Variants in PPP1R13B observed in about 807,000 individuals in gnomAD.
PPP1R13B encodes apoptosis-stimulating of p53 protein 1.
Under a neutral mutation model 119.8 loss-of-function variants are expected in PPP1R13B, and 44 were observed. That is an observed-to-expected ratio of 0.37 (90% CI 0.29 to 0.47). The LOEUF (loss-of-function observed/expected upper bound fraction) is 0.47. PPP1R13B is among the 20% of genes least tolerant of loss of function. The probability of loss-of-function intolerance (pLI) is 0.99; values close to 1 mark genes in which losing one functional copy is unlikely to be tolerated. For synonymous variants in PPP1R13B, 542 were observed against 561.5 expected, an observed-to-expected ratio of 0.97 and a Z score of 0.49; for missense variants, 1,227 against 1,413.5, an observed-to-expected ratio of 0.87 and a Z score of 2.12.
intron 1 of PPP1R13B, among the ~76,000 whole-genome samples, chr14:103,805,147 T>C (rs2085987578): frequency 1.3e-5 from 2 of 152,160 alleles, no homozygotes; most frequent in South Asian, 4.1e-4. Flanking sequence ...TAAAAAATTT[T>C]AAACACAGAT....
At chr14:103,814,432 C>T (rs2086230619) in intron 1 of PPP1R13B, among the ~76,000 whole-genome samples, 1 of 152,142 alleles carries the variant, frequency 6.6e-6, no homozygotes, top group South Asian at 2.1e-4. Context: ...AGGATTTAAC[C>T]CTGGCCTGTG....
intron 15 of PPP1R13B, 73 bp from the exon 16 acceptor site, chr14:103,736,275 G>T: frequency 6.7e-7 from 1 of 1,500,628 alleles, no homozygotes; most frequent in South Asian, 1.1e-5. Context: ...CGAGGAACAG[G>T]ACACAGTCGT....
At chr14:103,812,185 G>A (rs534179223) in intron 1 of PPP1R13B, among the ~76,000 whole-genome samples, 11 of 137,124 alleles carry the variant, frequency 8.0e-5, no homozygotes, top group African/African-American at 2.5e-4. Flanking sequence ...ATGCAGTGGC[G>A]CAATCTCAGC....
chr14:103,823,027 T>G (rs942901817), intron 1 of PPP1R13B, among the ~76,000 whole-genome samples: 3 of 151,746 alleles, frequency 2.0e-5, no homozygotes, highest in Non-Finnish European at 4.4e-5. Flanking sequence ...CCCATAAGGA[T>G]CCCTAAGTCT....
upstream of PPP1R13B, chr14:103,847,697 G>T: frequency 1.2e-6 from 1 of 863,926 alleles, no homozygotes; most frequent in Non-Finnish European, 1.4e-6. Flanking sequence ...GGAGAGGGGC[G>T]GGGCTTCCCG....
At chr14:103,739,680 G>C (rs991734106) in intron 12 of PPP1R13B, 144 bp downstream of exon 12, 25 of 1,010,978 alleles carry the variant, frequency 2.5e-5, no homozygotes, top group Admixed American at 5.8e-5. Context: ...CTGTGTGACT[G>C]TCCGTCCTCC....
intron 1 of PPP1R13B, among the ~76,000 whole-genome samples, chr14:103,832,737 G>C (rs538290820): frequency 1.3e-5 from 2 of 152,248 alleles, no homozygotes; most frequent in South Asian, 2.1e-4. Flanking sequence ...GAGGCCAAGG[G>C]GGGGCGGGGT....
chr14:103,837,787 T>C (rs1188666381), intron 1 of PPP1R13B, among the ~76,000 whole-genome samples: 2 of 152,156 alleles, frequency 1.3e-5, no homozygotes, highest in Non-Finnish European at 2.9e-5. Context: ...CTTTCTATCA[T>C]ACAAACCTGA....
chr14:103,836,827 A>G (rs2086790789), intron 1 of PPP1R13B, among the ~76,000 whole-genome samples: 1 of 152,116 alleles, frequency 6.6e-6, no homozygotes, highest in African/African-American at 2.4e-5. Context: ...TAAGAGGCAA[A>G]GCCAGAATAT....
chr14:103,781,465 T>C (rs767527437), intron 3 of PPP1R13B, among the ~76,000 whole-genome samples: 5 of 152,172 alleles, frequency 3.3e-5, no homozygotes, highest in Non-Finnish European at 7.3e-5. Flanking sequence ...TTAAAGTAGA[T>C]AGTAGCTCAT....
chr14:103,807,843 T>C (rs1015312542), intron 1 of PPP1R13B, among the ~76,000 whole-genome samples: 35 of 152,130 alleles, frequency 2.3e-4, no homozygotes, highest in African/African-American at 8.0e-4. Context: ...AGGTAGGTGT[T>C]TGCCTGTTTT....
intron 2 of PPP1R13B, among the ~76,000 whole-genome samples, chr14:103,791,138 A>T (rs2085608969): frequency 7.1e-6 from 1 of 140,772 alleles, no homozygotes. Flanking sequence ...TTTTTTTTTT[A>T]AGAGATGGGG....
At chr14:103,752,877 G>A (rs372818496) in intron 7 of PPP1R13B, 123 bp downstream of exon 7, 1 of 1,067,208 alleles carries the variant, frequency 9.4e-7, no homozygotes, top group South Asian at 1.6e-5. Flanking sequence ...AATATATCTT[G>A]TGCCTATTAT....
At chr14:103,735,385 C>T (rs2084077466) in intron 16 of PPP1R13B, among the ~76,000 whole-genome samples, 190 bp from the exon 17 acceptor site, 1 of 152,180 alleles carries the variant, frequency 6.6e-6, no homozygotes, top group Non-Finnish European at 1.5e-5. Flanking sequence ...CCTTGTACCC[C>T]CAGAATATCC....
intron 7 of PPP1R13B, among the ~76,000 whole-genome samples, 177 bp downstream of exon 7, chr14:103,752,823 G>T (rs971175969): frequency 6.6e-6 from 1 of 152,172 alleles, no homozygotes; most frequent in Non-Finnish European, 1.5e-5. Flanking sequence ...GTGAGCTACC[G>T]CACCCGGCCT....
chr14:103,777,108 T>C (rs2085220727), intron 4 of PPP1R13B, among the ~76,000 whole-genome samples: 1 of 151,826 alleles, frequency 6.6e-6, no homozygotes, highest in South Asian at 2.1e-4. Context: ...TTCTCCTGTC[T>C]CAGCCTCCTG....
chr14:103,816,669 C>CA (rs34539149), intron 1 of PPP1R13B, among the ~76,000 whole-genome samples: 18,756 of 104,960 alleles, frequency 0.18, 2,020 homozygotes, highest in African/African-American at 0.34. Flanking sequence ...AACTCAGTCT[C>CA]AAAAAAAAAA....
intron 2 of PPP1R13B, among the ~76,000 whole-genome samples, chr14:103,788,832 A>C (rs1187220282): frequency 6.6e-6 from 1 of 152,188 alleles, no homozygotes; most frequent in Non-Finnish European, 1.5e-5. Context: ...TAGCATTTAG[A>C]GTGACAGACA....
chr14:103,752,213 T>C (rs2084565437), intron 7 of PPP1R13B, among the ~76,000 whole-genome samples: 1 of 152,238 alleles, frequency 6.6e-6, no homozygotes, highest in Admixed American at 6.5e-5. Context: ...CATGCCACGC[T>C]GGAGCTCAGG....
Sources: allele counts gnomAD v4.1 joint callset (sites outside exome capture counted in the v4.1 genomes callset), GRCh38; gene constraint gnomAD v4.1.1; transcripts MANE v1.5; gene names NCBI Gene and HGNC (gene_info 2026-07-23, HGNC 2026-07-21).